CYP7B1: variants seen among roughly 807,000 people sequenced by gnomAD.
CYP7B1 encodes cytochrome P450 family 7 subfamily B member 1, also known as cytochrome P450 7B1.
In CYP7B1, 29 loss-of-function variants were observed where a neutral mutation model predicts 42.7. The ratio of observed to expected loss-of-function variants is 0.68; its 90% CI spans 0.51 to 0.93. CYP7B1 has a LOEUF of 0.93. CYP7B1 is among the 40% of genes least tolerant of loss of function. The pLI, the probability that CYP7B1 is intolerant of heterozygous loss-of-function variation, is 0.00. For synonymous variants in CYP7B1, 235 were observed against 218.2 expected (o/e 1.08, Z -0.68); for missense variants, 655 against 600.5 (o/e 1.09, Z -0.95).
chr8:64,602,842 C>A (rs1805222576), intron 5 of CYP7B1, among the ~76,000 whole-genome samples: 1 of 152,186 alleles, frequency 6.6e-6, no homozygotes, highest in Non-Finnish European at 1.5e-5. Flanking sequence ...AAAGGAATAA[C>A]TGATATGTCT....
At chr8:64,741,142 A>C (rs1309533387) in intron 1 of CYP7B1, among the ~76,000 whole-genome samples, 2 of 152,018 alleles carry the variant, frequency 1.3e-5, no homozygotes, top group Non-Finnish European at 2.9e-5. Flanking sequence ...TTAAGGAAAG[A>C]ATGTCCCCTT....
Position 64,604,821 on chromosome 8 carries a change from T to G in CYP7B1, c.1094A>C (p.Tyr365Ser), listed in dbSNP as rs1805254339. 6.2e-7 allele frequency: 1 copy of G among 1,614,112 alleles called. No individual in the cohort carries two copies. The highest frequency in any genetic ancestry group is 8.5e-7 in the Non-Finnish European group (1 of 1,180,022). The change falls in exon 5 of 6, where the codon TAT (tyrosine) becomes TCT (serine). Residue 365 changes from tyrosine to serine, a missense_variant. Coordinates refer to ENST00000310193, the MANE Select transcript of CYP7B1 (RefSeq NM_004820.5). ...CTCAACAAAACGAATGGTGGTTGAA[T>G]ATGAGGACAGTCGTAAAGCTTCAAA... Reference protein sequence around the residue: ...SIFEALRLSSYSTTIRFVEED... With the variant: ...SIFEALRLSSSSTTIRFVEED...
At chr8:64,705,765 C>T in intron 1 of CYP7B1, among the ~76,000 whole-genome samples, 1 of 152,140 alleles carries the variant, frequency 6.6e-6, no homozygotes, top group Middle Eastern at 3.4e-3. Context: ...AACAATTTAA[C>T]AGTGAAAGAT....
chr8:64,706,404 AC>A (rs1373540668), intron 1 of CYP7B1, among the ~76,000 whole-genome samples: 2 of 152,014 alleles, frequency 1.3e-5, no homozygotes, highest in Non-Finnish European at 2.9e-5. Flanking sequence ...TCCATAGACT[AC>A]CTAAGAGAGT....
At chr8:64,763,448 C>T (rs1207067610) in intron 1 of CYP7B1, among the ~76,000 whole-genome samples, 1 of 152,318 alleles carries the variant, frequency 6.6e-6, no homozygotes, top group Non-Finnish European at 1.5e-5. Context: ...ACAACAAAGA[C>T]CCACTGGTAA....
intron 1 of CYP7B1, among the ~76,000 whole-genome samples, chr8:64,781,932 T>C (rs762987672): frequency 8.5e-5 from 13 of 152,202 alleles, no homozygotes; most frequent in South Asian, 2.1e-4. Context: ...AATTGCTTAA[T>C]AATAGTTAAC....
chr8:64,670,709 C>T (rs1409253390), intron 1 of CYP7B1, among the ~76,000 whole-genome samples: 1 of 152,184 alleles, frequency 6.6e-6, no homozygotes, highest in Non-Finnish European at 1.5e-5. Context: ...CAGTTACAGG[C>T]CCTGAGAGGG....
At chr8:64,739,942 A>G (rs1395003041) in intron 1 of CYP7B1, among the ~76,000 whole-genome samples, 1 of 152,154 alleles carries the variant, frequency 6.6e-6, no homozygotes, top group African/African-American at 2.4e-5. Context: ...TCAAAACTGA[A>G]AGAGATATAT....
intron 1 of CYP7B1, among the ~76,000 whole-genome samples, chr8:64,731,661 T>C (rs964968113): frequency 6.6e-6 from 1 of 152,158 alleles, no homozygotes; most frequent in Non-Finnish European, 1.5e-5. Flanking sequence ...GTGGGGAAAA[T>C]GTCTCCAGGG....
intron 1 of CYP7B1, among the ~76,000 whole-genome samples, chr8:64,680,024 A>G (rs963023553): frequency 6.6e-6 from 1 of 152,060 alleles, no homozygotes; most frequent in Non-Finnish European, 1.5e-5. Flanking sequence ...ACCTTGCATA[A>G]TTGAAACTTT....
chr8:64,589,554 T>C (rs1381647027), downstream of CYP7B1, among the ~76,000 whole-genome samples: 2 of 152,194 alleles, frequency 1.3e-5, no homozygotes, highest in African/African-American at 2.4e-5. Flanking sequence ...AATTATGGAA[T>C]TGAAGTAATT....
At chr8:64,736,286 A>G (rs1807486547) in intron 1 of CYP7B1, among the ~76,000 whole-genome samples, 1 of 152,156 alleles carries the variant, frequency 6.6e-6, no homozygotes. Flanking sequence ...ATCATCTGAC[A>G]TATGCTTCTC....
At chr8:64,643,703 C>A (rs536324951) in intron 1 of CYP7B1, among the ~76,000 whole-genome samples, 42 of 152,290 alleles carry the variant, frequency 2.8e-4, no homozygotes, top group African/African-American at 9.4e-4. Context: ...TCGCTCAAAC[C>A]CTGTTGCTGC....
chr8:64,684,211 C>T (rs1475891911), intron 1 of CYP7B1, among the ~76,000 whole-genome samples: 1 of 152,214 alleles, frequency 6.6e-6, no homozygotes, highest in Non-Finnish European at 1.5e-5. Flanking sequence ...ATCCCAAATA[C>T]TATGTATGAG....
chr8:64,660,854 G>A (rs1806189496), intron 1 of CYP7B1, among the ~76,000 whole-genome samples: 1 of 152,172 alleles, frequency 6.6e-6, no homozygotes, highest in Non-Finnish European at 1.5e-5. Context: ...AAGGACTCAG[G>A]AATGAGGGAG....
intron 1 of CYP7B1, among the ~76,000 whole-genome samples, chr8:64,643,089 A>G (rs539002737): frequency 2.6e-4 from 35 of 134,702 alleles, no homozygotes; most frequent in South Asian, 6.4e-4. Context: ...GTGTGTGTGT[A>G]TATATATACA....
At position 64,703,009 on chromosome 8, in the gene CYP7B1, A is replaced by T. The variant is rs779161174; in HGVS notation, c.123-78470T>A. 1.5e-4 allele frequency among the ~76,000 whole-genome samples: 12 copies of T among 79,276 alleles called. 1 individual carries two copies. The highest frequency in any genetic ancestry group is 3.6e-4 in the African/African-American group (4 of 11,084). The allele number at this position is 79,276 out of a possible 152,430, so 52.0% of individuals were successfully genotyped here. On this transcript the variant is annotated intron_variant, in intron 1 of 5. Coordinates refer to ENST00000310193, the MANE Select transcript of CYP7B1 (RefSeq NM_004820.5). ...ATAACTGGGTATTTTATACATCTAT[A>T]TTTTTTTTCTTTCAAAAAATTTAGT...
intron 1 of CYP7B1, among the ~76,000 whole-genome samples, chr8:64,694,907 G>T (rs1806800936): frequency 6.6e-6 from 1 of 152,174 alleles, no homozygotes; most frequent in Non-Finnish European, 1.5e-5. Flanking sequence ...ATAACAAACT[G>T]CAGTTTTGAT....
chr8:64,604,910 C>T (rs970472427), intron 4 of CYP7B1, 53 bp from the exon 5 acceptor site: 6 of 1,577,096 alleles, frequency 3.8e-6, no homozygotes, highest in Non-Finnish European at 4.3e-6. Context: ...GTCCTGAAAA[C>T]TGCTCTCAGT....
Sources: gnomAD v4.1 joint callset for allele counts (sites outside exome capture counted in the v4.1 genomes callset) on GRCh38, gnomAD v4.1.1 for gene constraint, MANE v1.5 for transcripts, NCBI Gene and HGNC (gene_info 2026-07-23, HGNC 2026-07-21) for gene names.